The following INPP5D variants were observed in gnomAD, a reference collection of about 807,000 sequenced individuals.
The protein encoded by INPP5D is phosphatidylinositol 3,4,5-trisphosphate 5-phosphatase 1.
In INPP5D, 33 loss-of-function variants were observed where a neutral mutation model predicts 122.9. The ratio of observed to expected loss-of-function variants is 0.27; its 90% confidence interval spans 0.20 to 0.36. The LOEUF (loss-of-function observed/expected upper bound fraction) is 0.36. INPP5D is among the 10% of genes least tolerant of loss of function. The pLI, the probability that INPP5D is intolerant of heterozygous loss-of-function variation, is 1.00. For missense variants in INPP5D, 1,053 were observed against 1,412.7 expected, an observed-to-expected ratio of 0.75 and a Z score of 4.08; for synonymous variants, 584 against 576.2, an observed-to-expected ratio of 1.01 and a Z score of -0.19.
intron 2 of INPP5D, among the ~76,000 whole-genome samples, chr2:233,118,295 T>C (rs1559301407): frequency 6.6e-6 from 1 of 152,190 alleles, no homozygotes; most frequent in Non-Finnish European, 1.5e-5. Context: ...AGGACCTTTC[T>C]GGGCCCAGGT....
At chr2:233,150,969 C>T (rs1471065117) in intron 9 of INPP5D, among the ~76,000 whole-genome samples, 8 of 152,098 alleles carry the variant, frequency 5.3e-5, no homozygotes, top group Non-Finnish European at 1.2e-4. Context: ...TGAAATCACA[C>T]ATTACATGTT....
chr2:233,132,216 CT>C (rs1488387395), intron 5 of INPP5D, among the ~76,000 whole-genome samples: 1 of 152,228 alleles, frequency 6.6e-6, no homozygotes, highest in Admixed American at 6.5e-5. Context: ...GCTCTTAGTT[CT>C]GCTTCAGTGG....
At chr2:233,124,196 C>T (rs1693083366) in intron 3 of INPP5D, among the ~76,000 whole-genome samples, 1 of 152,040 alleles carries the variant, frequency 6.6e-6, no homozygotes, top group Admixed American at 6.5e-5. Flanking sequence ...CAGGGCTCTT[C>T]CTGAATTCCA....
In INPP5D at chr2:233,094,512, C is replaced by CAAAAAAAAAAAAAAAAAAAAAAAA. The variant is rs58284775; in HGVS notation, c.198+15121_198+15144dup. ...TGGGCAATAGAGCAAGACTCCATCC[C>CAAAAAAAAAAAAAAAAAAAAAAAA]AAAAAAAAAAAAAAAAAAAAAAAAA... is the stretch of plus-strand genomic sequence containing the variant. On this transcript the variant is annotated intron_variant, in intron 2 of 26. Coordinates refer to ENST00000445964, the MANE Select transcript of INPP5D (RefSeq NM_001017915.3). Among the ~76,000 whole-genome samples the CAAAAAAAAAAAAAAAAAAAAAAAA allele has an allele frequency of 5.7e-5, 2 of 34,962 alleles. 1 individual carries two copies. The highest frequency in any genetic ancestry group is 2.4e-4 in the African/African-American group (2 of 8,246). 22.9% of individuals were successfully genotyped at this position (34,962 alleles called of 152,430 possible).
In INPP5D at chr2:233,188,531, C is replaced by G. The variant is rs1694974674; in HGVS notation, c.2359-1319C>G. ...GGTGCAGCTGTAGAACCCTGGAGTA[C>G]CCAGAGCTCCACTGCAGTTTCCAGT... On this transcript the variant is annotated intron_variant, in intron 21 of 26. Transcript: ENST00000445964. This position sits in a 1 kb window ranked among gnomAD's most constrained non-coding sequence, Gnocchi z 4.7. 6.6e-6 allele frequency among the ~76,000 whole-genome samples: 1 copy of G among 152,138 alleles called. No homozygotes were observed. Among genetic ancestry groups the G allele is most frequent in the Admixed American group, 6.5e-5 (1 of 15,270 alleles).
rs73094988 is a variant in INPP5D at position 233,082,651 on chromosome 2, A to C, written c.198+3253A>C. Among the ~76,000 whole-genome samples the C allele has an allele frequency of 0.083, 12,695 of 152,210 alleles. 1,016 individuals are homozygous for C. Among genetic ancestry groups the C allele is most frequent in the East Asian group, 0.27 (1,418 of 5,168 alleles). On this transcript the variant is annotated intron_variant, in intron 2 of 26. Transcript: ENST00000445964. This position sits in a 1 kb window ranked among gnomAD's most constrained non-coding sequence, Gnocchi z 4.7. The stretch of plus-strand genomic sequence containing the variant: ...ACTTCATGGAGTTGGCCCACGTGTC[A>C]TAGCCCATGACAGCCCTGTATCAAT...
At chr2:233,073,445 G>A (rs1194593651) in intron 1 of INPP5D, among the ~76,000 whole-genome samples, 1 of 151,968 alleles carries the variant, frequency 6.6e-6, no homozygotes, top group Non-Finnish European at 1.5e-5. Context: ...TTCAAGACCA[G>A]CCTGGCCAAC....
intron 3 of INPP5D, among the ~76,000 whole-genome samples, chr2:233,125,311 T>C (rs911401317): frequency 6.6e-6 from 1 of 152,190 alleles, no homozygotes; most frequent in African/African-American, 2.4e-5. Flanking sequence ...CCTGTCTCCT[T>C]ACCCCTGGTC....
intron 25 of INPP5D, among the ~76,000 whole-genome samples, chr2:233,202,556 C>G (rs1220213616): frequency 6.6e-6 from 1 of 152,188 alleles, no homozygotes; most frequent in Non-Finnish European, 1.5e-5. Flanking sequence ...ACCTGCTCCC[C>G]AGAGTCACTG....
intron 6 of INPP5D, among the ~76,000 whole-genome samples, chr2:233,144,731 T>C: frequency 6.7e-6 from 1 of 150,158 alleles, no homozygotes; most frequent in Non-Finnish European, 1.5e-5. Context: ...GTGGGCATGA[T>C]CATGGTGGGA....
chr2:233,198,174 AT>A lies in INPP5D; in HGVS notation c.2774del (p.Met925SerfsTer5). 1 of 1,613,542 alleles carries A rather than the reference AT, an allele frequency of 6.2e-7. No individual in the cohort carries two copies. Among genetic ancestry groups the A allele is most frequent in the African/African-American group, 1.3e-5 (1 of 75,060 alleles). On this transcript the variant is annotated frameshift_variant, in exon 25 of 27. Transcript: ENST00000445964. LOFTEE classifies it high-confidence loss of function. The part of the protein sequence containing the change: ...YMGVGPFGPP[M>X]PLHVKQTLSP... ...GGGAGTGGGGCCCTTTGGGCCACCA[AT>A]GCCCCTGCACGTGAAGCAGACCTTG...
intron 17 of INPP5D, 29 bp downstream of exon 17, chr2:233,171,181 G>C: frequency 6.2e-7 from 1 of 1,610,932 alleles, no homozygotes; most frequent in African/African-American, 1.3e-5. Context: ...CACCTTCCCT[G>C]CCCTCCATCT....
chr2:233,147,909 C>A (rs552624137), intron 9 of INPP5D, among the ~76,000 whole-genome samples: 1 of 152,268 alleles, frequency 6.6e-6, no homozygotes, highest in Non-Finnish European at 1.5e-5. Flanking sequence ...CCTAAATTCA[C>A]GTCCCAGCTC....
chr2:233,071,487 C>A (rs1281921959), intron 1 of INPP5D, among the ~76,000 whole-genome samples: 1 of 151,938 alleles, frequency 6.6e-6, no homozygotes, highest in Non-Finnish European at 1.5e-5. Flanking sequence ...ACAATTATAC[C>A]ACCTAATTTT....
intron 6 of INPP5D, chr2:233,145,869 G>A (rs147786898): frequency 0.37 from 214,500 of 574,562 alleles, 43,439 homozygotes; most frequent in East Asian, 0.63. Context: ...AAGGTAACAT[G>A]CAAGGACAGT....
chr2:233,168,048 T>TAA (rs1694395159), intron 13 of INPP5D, among the ~76,000 whole-genome samples: 1 of 24,614 alleles, frequency 4.1e-5, no homozygotes. Context: ...GAAAAGAAAA[T>TAA]GATGGGAGCC....
chr2:233,154,017 C>A (rs1260171773), intron 9 of INPP5D, among the ~76,000 whole-genome samples: 2 of 152,224 alleles, frequency 1.3e-5, no homozygotes, highest in Non-Finnish European at 2.9e-5. Flanking sequence ...ATCAGACCAC[C>A]CTGCGGAGAA....
intron 21 of INPP5D, 61 bp downstream of exon 21, chr2:233,185,986 A>G: frequency 1.3e-6 from 2 of 1,494,002 alleles, no homozygotes; most frequent in Admixed American, 2.2e-5. Flanking sequence ...CAGTAGTACC[A>G]GCCAGTGGCA....
chr2:233,118,292 T>G (rs561099916), intron 2 of INPP5D, among the ~76,000 whole-genome samples: 1 of 152,298 alleles, frequency 6.6e-6, no homozygotes, highest in African/African-American at 2.4e-5. Flanking sequence ...TGCAGGACCT[T>G]TCTGGGCCCA....
Sources: gnomAD v4.1 joint callset for allele counts (sites outside exome capture counted in the v4.1 genomes callset) on GRCh38, gnomAD v4.1.1 for gene constraint, Gnocchi (gnomAD v3.1) non-coding constraint, MANE v1.5 for transcripts, NCBI Gene and HGNC (gene_info 2026-07-23, HGNC 2026-07-21) for gene names.